Variants in SLC17A1 observed in about 807,000 individuals in gnomAD.
SLC17A1 encodes solute carrier family 17 member 1.
SLC17A1 carries 51 observed loss-of-function variants against 53.5 expected under a neutral mutation model. That is an observed-to-expected ratio of 0.95 (90% confidence interval 0.76 to 1.20). The LOEUF is 1.20. SLC17A1 is among the 50% of genes most tolerant of loss of function. SLC17A1 has a pLI of 0.00. For synonymous variants in SLC17A1, 179 were observed against 198.8 expected, an observed-to-expected ratio of 0.90 and a Z score of 0.84; for missense variants, 538 against 568.2, an observed-to-expected ratio of 0.95 and a Z score of 0.54.
chr6:25,815,020 C>G (rs546143606), intron 6 of SLC17A1, among the ~76,000 whole-genome samples: 1 of 124,056 alleles, frequency 8.1e-6, no homozygotes, highest in South Asian at 2.5e-4. Context: ...CACACACACA[C>G]ACACACACAC....
chr6:25,771,950 T>TA, the SLC17A1 span, among the ~76,000 whole-genome samples: 1 of 152,192 alleles, frequency 6.6e-6, no homozygotes, highest in African/African-American at 2.4e-5. Flanking sequence ...TAGCTGCTGT[T>TA]ACCTTTAGTT....
chr6:25,816,977 A>G (rs1223301000), intron 6 of SLC17A1, among the ~76,000 whole-genome samples: 1 of 151,860 alleles, frequency 6.6e-6, no homozygotes, highest in Non-Finnish European at 1.5e-5. Flanking sequence ...CCTTCCGAGT[A>G]GCTGGGATTA....
At chr6:25,726,088 G>GT in the SLC17A1 span, 7 of 1,478,468 alleles carry the variant, frequency 4.7e-6, no homozygotes, top group Non-Finnish European at 6.3e-6. Flanking sequence ...AGAGCCTTTT[G>GT]TTTTTTCTGA....
the SLC17A1 span, among the ~76,000 whole-genome samples, chr6:25,775,644 T>A: frequency 3.3e-5 from 5 of 152,008 alleles, no homozygotes; most frequent in African/African-American, 9.7e-5. Flanking sequence ...GCTAGGCTGG[T>A]CTCGAACTCC....
At position 25,819,063 on chromosome 6, in the gene SLC17A1, CT is replaced by C; in HGVS notation, c.616+4del. 3 of 1,580,700 alleles carry C rather than the reference CT, an allele frequency of 1.9e-6. No homozygotes were observed. Among genetic ancestry groups the C allele is most frequent in the Non-Finnish European group, 2.6e-6 (3 of 1,167,294 alleles). On this transcript the variant is annotated splice_donor_region_variant and intron_variant, in intron 6 of 12. Transcript: ENST00000244527. ...ATAACTAGGATTTTACAGAAAGAGACTCACCAAAAATATAGAAGACCATGGG... is the reference window on the plus strand; with the variant it reads ...ATAACTAGGATTTTACAGAAAGAGACCACCAAAAATATAGAAGACCATGGG...
chr6:25,797,878 T>C (rs1276562876), intron 12 of SLC17A1, among the ~76,000 whole-genome samples: 2 of 152,144 alleles, frequency 1.3e-5, no homozygotes, highest in African/African-American at 4.8e-5. Context: ...TATAAGTAAT[T>C]TATTTATTAA....
chr6:25,725,650 A>C, the SLC17A1 span, among the ~76,000 whole-genome samples: 1 of 152,156 alleles, frequency 6.6e-6, no homozygotes, highest in Non-Finnish European at 1.5e-5. Context: ...ACTGGAGTGC[A>C]GTGGAGCAAT....
At chr6:25,798,301 A>T (rs1320603463) in intron 12 of SLC17A1, among the ~76,000 whole-genome samples, 1 of 152,230 alleles carries the variant, frequency 6.6e-6, no homozygotes. Context: ...TACCTTGAAC[A>T]CACCTTAAAG....
At chr6:25,732,823 AT>A in the SLC17A1 span, 2 of 477,466 alleles carry the variant, frequency 4.2e-6, no homozygotes, top group Non-Finnish European at 7.2e-6. Context: ...TCCAGTATGA[AT>A]AACCACCCAA....
At chr6:25,797,967 TTC>T (rs911278536) in intron 12 of SLC17A1, among the ~76,000 whole-genome samples, 2 of 152,318 alleles carry the variant, frequency 1.3e-5, no homozygotes, top group African/African-American at 2.4e-5. Flanking sequence ...GTCGAACATA[TTC>T]TCTGTTTTCT....
the SLC17A1 span, among the ~76,000 whole-genome samples, chr6:25,744,470 A>G: frequency 6.6e-6 from 1 of 152,206 alleles, no homozygotes; most frequent in Admixed American, 6.5e-5. Flanking sequence ...ACTCACAAGG[A>G]CCAATTATTA....
chr6:25,739,704 A>G, the SLC17A1 span, among the ~76,000 whole-genome samples: 1 of 152,214 alleles, frequency 6.6e-6, no homozygotes, highest in African/African-American at 2.4e-5. Flanking sequence ...ATTACATACT[A>G]TATGATTCCA....
chr6:25,755,080 CACAG>C, the SLC17A1 span, among the ~76,000 whole-genome samples: 1 of 143,452 alleles, frequency 7.0e-6, no homozygotes, highest in Admixed American at 7.1e-5. Flanking sequence ...CACACACACA[CACAG>C]AGGAAGAAAG....
chr6:25,808,998 A>C (rs2151489083), intron 10 of SLC17A1, among the ~76,000 whole-genome samples: 1 of 152,200 alleles, frequency 6.6e-6, no homozygotes, highest in Middle Eastern at 3.4e-3. Flanking sequence ...ACATCAGCCT[A>C]AGTGTCCATC....
the SLC17A1 span, chr6:25,773,128 C>A: frequency 5.7e-6 from 4 of 697,688 alleles, no homozygotes; most frequent in Non-Finnish European, 1.0e-5. Context: ...AAGTACCCTC[C>A]CCCATGATAG....
At chr6:25,743,955 G>A in the SLC17A1 span, among the ~76,000 whole-genome samples, 1 of 152,152 alleles carries the variant, frequency 6.6e-6, no homozygotes, top group Non-Finnish European at 1.5e-5. Context: ...CCAAGGAGAA[G>A]AATATTTGAG....
chr6:25,785,781 C>T lies in SLC17A1; in HGVS notation c.*3-2563G>A, dbSNP rs143831422. 1.1e-3 allele frequency among the ~76,000 whole-genome samples: 172 copies of T among 152,038 alleles called. 4 individuals are homozygous for T. Among genetic ancestry groups the T allele is most frequent in the South Asian group, 6.4e-3 (31 of 4,812 alleles). ...AGCAAATCAAAACCATAATGAGATG[C>T]CACTTCACATTCACTGAGATGGCTA... is the stretch of plus-strand genomic sequence containing the variant. On this transcript the variant is annotated intron_variant, in intron 12 of 12. Coordinates refer to ENST00000244527, the MANE Select transcript of SLC17A1 (RefSeq NM_005074.5).
chr6:25,820,655 C>T (rs1048969058), intron 3 of SLC17A1, among the ~76,000 whole-genome samples: 7 of 151,916 alleles, frequency 4.6e-5, no homozygotes, highest in African/African-American at 1.2e-4. Context: ...ACGAGGCGGG[C>T]GGATCACGAG....
chr6:25,759,850 T>C, the SLC17A1 span, among the ~76,000 whole-genome samples: 14 of 152,234 alleles, frequency 9.2e-5, no homozygotes, highest in Non-Finnish European at 1.5e-4. Context: ...TATATATGTA[T>C]CCAATTCTTT....
Sources: gnomAD v4.1 joint callset for allele counts (sites outside exome capture counted in the v4.1 genomes callset) on GRCh38, gnomAD v4.1.1 for gene constraint, MANE v1.5 for transcripts, NCBI Gene and HGNC (gene_info 2026-07-23, HGNC 2026-07-21) for gene names.